MAGI1: variants seen among roughly 807,000 people sequenced by gnomAD.
The protein encoded by MAGI1 is membrane-associated guanylate kinase, WW and PDZ domain-containing protein 1.
In MAGI1, 58 loss-of-function variants were observed where a neutral mutation model predicts 139.9. The observed-to-expected ratio is 0.41, with a 90% CI of 0.34 to 0.52. The LOEUF (loss-of-function observed/expected upper bound fraction) is 0.52, where lower values mean the gene tolerates loss of function less well. Ranked by LOEUF, MAGI1 falls within the 20% of genes least tolerant of loss-of-function variation. The pLI is 0.12. For missense variants in MAGI1, 1,874 were observed against 1,901.6 expected (o/e 0.99, Z 0.27); for synonymous variants, 812 against 737.9 (o/e 1.10, Z -1.63).
chr3:65,807,546 C>T (rs1017922667), intron 1 of MAGI1, among the ~76,000 whole-genome samples: 4 of 152,118 alleles, frequency 2.6e-5, no homozygotes, highest in African/African-American at 7.2e-5. Context: ...ACCAGGGGTT[C>T]GCAAACAAGC....
At chr3:65,846,600 A>T (rs1025179232) in intron 1 of MAGI1, among the ~76,000 whole-genome samples, 2 of 152,226 alleles carry the variant, frequency 1.3e-5, no homozygotes, top group Admixed American at 1.3e-4. Context: ...AGCAGTCATG[A>T]TCACCAATAT....
At chr3:65,893,001 A>G (rs1471892940) in intron 1 of MAGI1, among the ~76,000 whole-genome samples, 1 of 152,186 alleles carries the variant, frequency 6.6e-6, no homozygotes, top group African/African-American at 2.4e-5. Flanking sequence ...TCCCCAGGTA[A>G]CACACCAGAG....
chr3:65,954,037 A>G (rs1006176098), intron 1 of MAGI1, among the ~76,000 whole-genome samples: 1 of 152,038 alleles, frequency 6.6e-6, no homozygotes, highest in Non-Finnish European at 1.5e-5. Flanking sequence ...TGTTAAATAA[A>G]ATGACTTCAT....
chr3:65,566,626 G>C (rs147718262), intron 2 of MAGI1, among the ~76,000 whole-genome samples: 57 of 152,160 alleles, frequency 3.7e-4, no homozygotes, highest in African/African-American at 1.3e-3. Context: ...GTTTTTGTTT[G>C]TTTGTTTGTT....
rs576207240 is a variant in MAGI1 at position 65,645,139 on chromosome 3, TTTAC to T, written c.314-23055_314-23052del. ...CCCAAAAGAAAGAAAGAGTTAAACATTTACTTAAAGAAATAATGACAAAACATTT... is the reference window on the plus strand; with the variant it reads ...CCCAAAAGAAAGAAAGAGTTAAACATTTAAAGAAATAATGACAAAACATTT... On this transcript the variant is annotated intron_variant, in intron 1 of 22. Transcript: ENST00000402939. Among the ~76,000 whole-genome samples the T allele has an allele frequency of 4.3e-3, 652 of 151,960 alleles. 4 individuals carry two copies. The highest frequency in any genetic ancestry group is 7.2e-3 in the Non-Finnish European group (487 of 67,974).
chr3:65,642,957 T>C (rs1053645007), intron 1 of MAGI1, among the ~76,000 whole-genome samples: 2 of 152,340 alleles, frequency 1.3e-5, no homozygotes, highest in East Asian at 3.9e-4. Flanking sequence ...AAGGCTCTGC[T>C]AAGCTTTAGC....
intron 1 of MAGI1, among the ~76,000 whole-genome samples, chr3:65,821,051 G>C (rs1035995511): frequency 2.8e-5 from 1 of 36,338 alleles, no homozygotes; most frequent in African/African-American, 7.1e-5. Flanking sequence ...CAAAGGAAAG[G>C]GTGGTGGTAG....
At chr3:66,023,105 G>A (rs1259550521) in intron 1 of MAGI1, among the ~76,000 whole-genome samples, 1 of 152,160 alleles carries the variant, frequency 6.6e-6, no homozygotes, top group African/African-American at 2.4e-5. Flanking sequence ...GTGGATCGGG[G>A]CATACAGTAG....
At chr3:65,883,851 G>A (rs546056791) in intron 1 of MAGI1, among the ~76,000 whole-genome samples, 97 of 152,262 alleles carry the variant, frequency 6.4e-4, no homozygotes, top group African/African-American at 2.2e-3. Context: ...TTTGCAAAAT[G>A]TCACTCCCCC....
chr3:65,797,553 T>C (rs2040229137), intron 1 of MAGI1, among the ~76,000 whole-genome samples: 1 of 151,908 alleles, frequency 6.6e-6, no homozygotes, highest in East Asian at 1.9e-4. Flanking sequence ...CAAAACCCCA[T>C]CTCTACAAGA....
intron 1 of MAGI1, among the ~76,000 whole-genome samples, chr3:65,727,833 A>C (rs2033777790): frequency 6.6e-6 from 1 of 152,228 alleles, no homozygotes; most frequent in South Asian, 2.1e-4. Flanking sequence ...AGAGGCAGAC[A>C]GATGATAGGA....
In MAGI1 at chr3:65,687,957, A is replaced by T. The variant is rs184256236; in HGVS notation, c.314-65869T>A. 4 of 736,616 alleles carry T rather than the reference A, an allele frequency of 5.4e-6. No individual in the cohort carries two copies. The East Asian group carries it at 1.3e-4, about 24-fold the overall frequency. 45.6% of individuals were successfully genotyped at this position (736,616 alleles called of 1,614,324 possible). ...GTTCAAGGAAAATGGCTCTCAGTTC[A>T]CAGTTAAAGTTATCATCAGACTACT... On this transcript the variant is annotated intron_variant, in intron 1 of 22. Transcript: ENST00000402939.
chr3:65,516,609 A>T (rs1357178449), intron 2 of MAGI1, among the ~76,000 whole-genome samples: 1 of 152,112 alleles, frequency 6.6e-6, no homozygotes, highest in African/African-American at 2.4e-5. Context: ...CACTGCAAGT[A>T]CTTTGTACTC....
chr3:65,696,691 A>AAAATG (rs1468453454), intron 1 of MAGI1, among the ~76,000 whole-genome samples: 18 of 152,292 alleles, frequency 1.2e-4, no homozygotes. Context: ...AAAATAAAAT[A>AAAATG]AAATATACAT....
At chr3:65,689,923 C>T (rs115419962) in intron 1 of MAGI1, among the ~76,000 whole-genome samples, 4,722 of 152,296 alleles carry the variant, frequency 0.031, 116 homozygotes, top group Middle Eastern at 0.058. Flanking sequence ...GCATACGTGT[C>T]TGCTGCTTCT....
intron 1 of MAGI1, among the ~76,000 whole-genome samples, chr3:65,940,289 G>A (rs1473538411): frequency 2.0e-5 from 3 of 152,194 alleles, no homozygotes; most frequent in African/African-American, 2.4e-5. Context: ...GTTTTAGTCC[G>A]TTCATGTTGC....
At chr3:65,836,825 A>G (rs556589661) in intron 1 of MAGI1, among the ~76,000 whole-genome samples, 1 of 152,242 alleles carries the variant, frequency 6.6e-6, no homozygotes, top group South Asian at 2.1e-4. Context: ...AGAGAGAAAG[A>G]GAAAGAGAGA....
chr3:65,593,609 T>C (rs1333461079), intron 2 of MAGI1, among the ~76,000 whole-genome samples: 1 of 152,234 alleles, frequency 6.6e-6, no homozygotes, highest in Non-Finnish European at 1.5e-5. Context: ...CAAGGAGTTG[T>C]ACTTTTTTGC....
intron 10 of MAGI1, among the ~76,000 whole-genome samples, chr3:65,436,460 G>T (rs867636965): frequency 2.2e-4 from 34 of 152,144 alleles, no homozygotes; most frequent in African/African-American, 7.9e-4. Flanking sequence ...CTCTATAAAG[G>T]CCTCATCCTA....
Sources: allele counts gnomAD v4.1 joint callset (sites outside exome capture counted in the v4.1 genomes callset), GRCh38; gene constraint gnomAD v4.1.1; transcripts MANE v1.5; gene names NCBI Gene and HGNC (gene_info 2026-07-23, HGNC 2026-07-21).